EXT1: variants seen among roughly 807,000 people sequenced by gnomAD.
The protein encoded by EXT1 is exostosin glycosyltransferase 1.
A neutral mutation model predicts 82.5 loss-of-function variants in EXT1; 20 were observed. The ratio of observed to expected loss-of-function variants is 0.24; its 90% CI spans 0.17 to 0.35. The LOEUF (loss-of-function observed/expected upper bound fraction) is 0.35, where lower values mean the gene tolerates loss of function less well. EXT1 is among the 10% of genes least tolerant of loss of function. The pLI is 1.00. For synonymous variants in EXT1, 348 were observed against 350.8 expected (o/e 0.99, Z 0.09); for missense variants, 757 against 936.5 (o/e 0.81, Z 2.50).
At chr8:117,977,391 T>TAAA (rs34970501) in intron 1 of EXT1, among the ~76,000 whole-genome samples, 3,531 of 128,918 alleles carry the variant, frequency 0.027, 147 homozygotes, top group African/African-American at 0.069. Context: ...TGTCTCAAAA[T>TAAA]AAAAAAAAAA....
chr8:117,977,316 C>T lies in EXT1; in HGVS notation c.962+132769G>A, dbSNP rs753417041. On this transcript the variant is annotated intron_variant, in intron 1 of 10. Coordinates refer to ENST00000378204, the MANE Select transcript of EXT1 (RefSeq NM_000127.3). Reference sequence around the variant, plus strand: ...GCAGGAGAATCGCTTGAACCCAGGACGCGGAGGCTACAGCGAGCCGTGATT... The same window carrying T: ...GCAGGAGAATCGCTTGAACCCAGGATGCGGAGGCTACAGCGAGCCGTGATT... Among the ~76,000 whole-genome samples, 12 of 149,534 alleles carry T rather than the reference C, an allele frequency of 8.0e-5. 1 individual carries two copies. In the Middle Eastern group the frequency reaches 0.01, roughly 129 times the overall value.
At chr8:118,017,937 A>G (rs529236122) in intron 1 of EXT1, among the ~76,000 whole-genome samples, 3 of 152,350 alleles carry the variant, frequency 2.0e-5, no homozygotes, top group South Asian at 2.1e-4. Flanking sequence ...TTTTCCACAC[A>G]TTGGCTCAGA....
intron 1 of EXT1, among the ~76,000 whole-genome samples, chr8:117,850,215 A>C (rs1444675805): frequency 6.6e-6 from 1 of 152,248 alleles, no homozygotes; most frequent in Non-Finnish European, 1.5e-5. Context: ...ACTGTCAAGT[A>C]AAACTTGGCA....
chr8:117,877,068 T>G (rs1453380851), intron 1 of EXT1, among the ~76,000 whole-genome samples: 1 of 152,206 alleles, frequency 6.6e-6, no homozygotes, highest in Non-Finnish European at 1.5e-5. Flanking sequence ...GAGGCGTGAT[T>G]AAACCAGCCC....
chr8:117,818,668 T>C (rs1811869388), intron 6 of EXT1, 138 bp from the exon 7 acceptor site: 1 of 716,038 alleles, frequency 1.4e-6, no homozygotes, highest in African/African-American at 1.7e-5. Context: ...ACATCAAAAC[T>C]GAGTTTTAAA....
intron 1 of EXT1, among the ~76,000 whole-genome samples, chr8:117,880,153 T>A (rs1813035982): frequency 6.6e-6 from 1 of 152,232 alleles, no homozygotes; most frequent in African/African-American, 2.4e-5. Context: ...CAGGCATGTA[T>A]TCGGCCATTC....
chr8:117,828,459 G>A (rs1245877899), intron 4 of EXT1, among the ~76,000 whole-genome samples: 1 of 151,700 alleles, frequency 6.6e-6, no homozygotes, highest in Non-Finnish European at 1.5e-5. Context: ...TGAGGTGGGA[G>A]GATTGCTTAA....
chr8:117,995,534 A>G (rs780135504), intron 1 of EXT1, among the ~76,000 whole-genome samples: 12 of 152,084 alleles, frequency 7.9e-5, no homozygotes, highest in Non-Finnish European at 1.6e-4. Flanking sequence ...GTAGCTGTAC[A>G]GTGCTCTTTT....
intron 1 of EXT1, among the ~76,000 whole-genome samples, chr8:118,041,705 G>GGAAGGAAA (rs1816533279): frequency 1.3e-5 from 2 of 150,424 alleles, no homozygotes; most frequent in African/African-American, 4.9e-5. Flanking sequence ...AAGGAAGGAA[G>GGAAGGAAA]GAAGGAAGGA....
At chr8:117,977,494 C>G (rs1319006795) in intron 1 of EXT1, among the ~76,000 whole-genome samples, 1 of 151,748 alleles carries the variant, frequency 6.6e-6, no homozygotes, top group Admixed American at 6.6e-5. Flanking sequence ...AAGAAGTTGT[C>G]AGATGTGAAA....
chr8:117,991,067 G>A (rs373755989), intron 1 of EXT1, among the ~76,000 whole-genome samples: 13 of 151,960 alleles, frequency 8.6e-5, no homozygotes, highest in East Asian at 3.9e-4. Context: ...GTCCATACAC[G>A]GAATGGAAGA....
intron 1 of EXT1, among the ~76,000 whole-genome samples, chr8:117,939,828 C>T (rs1042485343): frequency 1.1e-4 from 17 of 152,138 alleles, no homozygotes; most frequent in Admixed American, 2.6e-4. Context: ...ATTCCTTGAA[C>T]GCAAAAACCA....
At chr8:118,029,291 C>T (rs775525289) in intron 1 of EXT1, among the ~76,000 whole-genome samples, 1 of 152,032 alleles carries the variant, frequency 6.6e-6, no homozygotes, top group African/African-American at 2.4e-5. Flanking sequence ...CCAGACATAG[C>T]GGTGTGCACC....
At chr8:117,984,450 A>AAC (rs1491334953) in intron 1 of EXT1, among the ~76,000 whole-genome samples, 1 of 71,224 alleles carries the variant, frequency 1.4e-5, no homozygotes, top group Non-Finnish European at 2.6e-5. Context: ...AAAACAAAAC[A>AAC]AAAAAAAAAA....
At chr8:117,881,091 C>T (rs1357353777) in intron 1 of EXT1, among the ~76,000 whole-genome samples, 2 of 152,100 alleles carry the variant, frequency 1.3e-5, no homozygotes, top group Non-Finnish European at 2.9e-5. Flanking sequence ...AATGTATGCT[C>T]AACAAGGGCA....
At chr8:118,065,878 G>T (rs759848018) in intron 1 of EXT1, among the ~76,000 whole-genome samples, 2 of 152,164 alleles carry the variant, frequency 1.3e-5, no homozygotes, top group Non-Finnish European at 2.9e-5. Context: ...TCACTCTGCC[G>T]CTAAGTATCT....
At chr8:117,868,442 T>C (rs572964956) in intron 1 of EXT1, among the ~76,000 whole-genome samples, 2 of 151,898 alleles carry the variant, frequency 1.3e-5, no homozygotes, top group South Asian at 4.1e-4. Flanking sequence ...TTAATTTTAA[T>C]TTAAAAATGT....
intron 2 of EXT1, 45 bp downstream of exon 2, chr8:117,837,063 C>A (rs1388376501): frequency 5.7e-6 from 8 of 1,401,956 alleles, no homozygotes; most frequent in Non-Finnish European, 8.1e-6. Flanking sequence ...CTTAATCTGG[C>A]TTCGGTCCTC....
At chr8:118,068,478 C>T (rs1301337411) in intron 1 of EXT1, among the ~76,000 whole-genome samples, 3 of 152,152 alleles carry the variant, frequency 2.0e-5, no homozygotes, top group Admixed American at 6.5e-5. Context: ...GTTCTCCCCA[C>T]CCCGCTCTCC....
Sources: gnomAD v4.1 joint callset for allele counts (sites outside exome capture counted in the v4.1 genomes callset) on GRCh38, gnomAD v4.1.1 for gene constraint, MANE v1.5 for transcripts, NCBI Gene and HGNC (gene_info 2026-07-23, HGNC 2026-07-21) for gene names.